Variants in SENP7 observed in about 807,000 individuals in gnomAD.
The protein encoded by SENP7 is SUMO specific peptidase 7, also known as sentrin-specific protease 7.
Under a neutral mutation model 141.2 loss-of-function variants are expected in SENP7, and 64 were observed. The ratio of observed to expected loss-of-function variants is 0.45; its 90% CI spans 0.37 to 0.56. SENP7 has a LOEUF of 0.56. Ranked by LOEUF, SENP7 falls within the 20% of genes least tolerant of loss-of-function variation. SENP7 has a pLI of 0.00. For synonymous variants in SENP7, 382 were observed against 426.4 expected (o/e 0.90, Z 1.28); for missense variants, 1,025 against 1,212.2 (o/e 0.85, Z 2.29).
At chr3:101,442,071 G>C (rs1379508421) in intron 4 of SENP7, among the ~76,000 whole-genome samples, 1 of 151,902 alleles carries the variant, frequency 6.6e-6, no homozygotes, top group Admixed American at 6.6e-5. Flanking sequence ...CCATAAAACT[G>C]AAAGAAACAA....
At chr3:101,457,382 G>A (rs1244398021) in intron 4 of SENP7, 5 of 1,443,074 alleles carry the variant, frequency 3.5e-6, no homozygotes, top group Non-Finnish European at 4.8e-6. Flanking sequence ...TGCTTAAACT[G>A]TTCAGACTGT....
At chr3:101,431,757 C>T (rs752927604) in intron 4 of SENP7, among the ~76,000 whole-genome samples, 5 of 149,278 alleles carry the variant, frequency 3.3e-5, no homozygotes, top group Non-Finnish European at 7.4e-5. Flanking sequence ...GCACTCCAGC[C>T]TGGCGGACAG....
intron 3 of SENP7, among the ~76,000 whole-genome samples, chr3:101,470,785 G>T (rs372919269): frequency 1.1e-4 from 16 of 152,254 alleles, no homozygotes; most frequent in South Asian, 1.0e-3. Context: ...CTTAAGCTGA[G>T]AAGCAACTTC....
At chr3:101,487,260 A>G (rs2064768767) in intron 3 of SENP7, among the ~76,000 whole-genome samples, 1 of 152,308 alleles carries the variant, frequency 6.6e-6, no homozygotes, top group Admixed American at 6.5e-5. Context: ...ATACCTTAAA[A>G]CAAATAGACT....
chr3:101,418,017 T>C (rs2061676902), intron 4 of SENP7, among the ~76,000 whole-genome samples: 1 of 152,202 alleles, frequency 6.6e-6, no homozygotes, highest in Non-Finnish European at 1.5e-5. Context: ...TCAAGTTTAC[T>C]ACAACTATCA....
intron 4 of SENP7, among the ~76,000 whole-genome samples, chr3:101,449,764 C>CA (rs1193911381): frequency 3.9e-5 from 6 of 152,324 alleles, no homozygotes; most frequent in African/African-American, 1.4e-4. Flanking sequence ...ACTGCAAAAA[C>CA]ATGCCAAATT....
chr3:101,358,190 C>T, intron 11 of SENP7: 3 of 619,064 alleles, frequency 4.8e-6, no homozygotes, highest in Non-Finnish European at 5.5e-6. Context: ...ATCAATGTGG[C>T]AAAACCTTCA....
intron 1 of SENP7, among the ~76,000 whole-genome samples, chr3:101,510,388 TCTTC>T (rs1490408487): frequency 1.3e-5 from 2 of 152,238 alleles, no homozygotes; most frequent in African/African-American, 4.8e-5. Context: ...ATTTTACAGT[TCTTC>T]CTTGTTTAGC....
chr3:101,380,573 C>G (rs1236976538), intron 6 of SENP7, among the ~76,000 whole-genome samples: 1 of 150,036 alleles, frequency 6.7e-6, no homozygotes, highest in African/African-American at 2.5e-5. Flanking sequence ...GGCTGTAGTG[C>G]ACTATAATCA....
chr3:101,420,164 G>A (rs981216199), intron 4 of SENP7, among the ~76,000 whole-genome samples: 2 of 152,236 alleles, frequency 1.3e-5, no homozygotes, highest in South Asian at 4.1e-4. Flanking sequence ...TGAGGAGATC[G>A]AGACCATCCT....
Position 101,366,643 on chromosome 3 carries a change from A to C in SENP7, c.1105T>G (p.Ser369Ala). 3 of 1,613,912 alleles carry C rather than the reference A, an allele frequency of 1.9e-6. No individual in the cohort carries two copies. Among genetic ancestry groups the C allele is most frequent in the Non-Finnish European group, 2.5e-6 (3 of 1,179,824 alleles). The change falls in exon 9 of 24, where the codon TCC becomes GCC. Residue 369 changes from serine to alanine, a missense_variant. Coordinates refer to ENST00000394095, the MANE Select transcript of SENP7 (RefSeq NM_020654.5). ...GTCAACTCCTGACTGTTAAGTGAGG[A>C]TAGTTTAGTAAAATCACTTTTTGTA... is the stretch of plus-strand genomic sequence containing the variant. ...KPTKSDFTKL[S>A]SLNSQELTLS...
intron 6 of SENP7, among the ~76,000 whole-genome samples, chr3:101,387,453 C>A (rs974880767): frequency 2.0e-5 from 3 of 152,174 alleles, no homozygotes; most frequent in Admixed American, 6.5e-5. Flanking sequence ...ATGGCCAGAG[C>A]CTTGCACACA....
intron 3 of SENP7, among the ~76,000 whole-genome samples, chr3:101,475,441 A>T (rs560143062): frequency 2.0e-5 from 3 of 152,326 alleles, no homozygotes; most frequent in African/African-American, 4.8e-5. Context: ...TCCTCAGCAA[A>T]CTAATGCAGG....
intron 4 of SENP7, among the ~76,000 whole-genome samples, chr3:101,440,426 A>G: frequency 1.8e-5 from 2 of 111,634 alleles, no homozygotes; most frequent in African/African-American, 7.4e-5. Flanking sequence ...TCAGGGACAC[A>G]AACACTGCGG....
chr3:101,392,471 A>C (rs1052111218), intron 6 of SENP7, among the ~76,000 whole-genome samples: 2 of 152,210 alleles, frequency 1.3e-5, no homozygotes, highest in Non-Finnish European at 2.9e-5. Flanking sequence ...ATAACTACGA[A>C]TAAATTTAAC....
Position 101,343,825 on chromosome 3 carries a change from G to C in SENP7, c.1967C>G (p.Ser656Cys), listed in dbSNP as rs1223775343. The C allele has an allele frequency of 3.1e-6, 5 of 1,613,896 alleles. No individual in the cohort carries two copies. The highest frequency in any genetic ancestry group is 4.2e-6 in the Non-Finnish European group (5 of 1,179,892). The change falls in exon 14 of 24, where the codon TCT becomes TGT. Residue 656 changes from serine to cysteine, a missense_variant. This residue lies in a region of SENP7 where 228 missense variants were observed against 228.5 expected (regional missense o/e 1.00). Coordinates refer to ENST00000394095, the MANE Select transcript of SENP7 (RefSeq NM_020654.5). The stretch of plus-strand genomic sequence containing the variant: ...AAACAAAGGAAATGCCTGAACCCAA[G>C]ACAACGGGTAAGAAAGCTCTAATTC... Reference protein sequence around the residue: ...SGELELSYPLSWVQAFPLFQN... With the variant: ...SGELELSYPLCWVQAFPLFQN...
chr3:101,500,159 C>T (rs1392425616), intron 2 of SENP7, among the ~76,000 whole-genome samples: 12 of 152,172 alleles, frequency 7.9e-5, no homozygotes, highest in Non-Finnish European at 7.3e-5. Flanking sequence ...TATTAAAGTT[C>T]TCTGTGCATA....
At chr3:101,341,005 C>T (rs945463754) in intron 15 of SENP7, among the ~76,000 whole-genome samples, 3 of 152,190 alleles carry the variant, frequency 2.0e-5, no homozygotes, top group Non-Finnish European at 4.4e-5. Context: ...GAGTCATCCA[C>T]ATTGATTTAA....
intron 1 of SENP7, among the ~76,000 whole-genome samples, chr3:101,502,434 C>G (rs889688930): frequency 6.6e-6 from 1 of 152,176 alleles, no homozygotes; most frequent in African/African-American, 2.4e-5. Context: ...TCCCGAGTAG[C>G]TGGGATTACA....
Sources: gnomAD v4.1 joint callset for allele counts (sites outside exome capture counted in the v4.1 genomes callset) on GRCh38, gnomAD v4.1.1 for gene constraint, gnomAD v4.1.1 regional missense constraint, MANE v1.5 for transcripts, NCBI Gene and HGNC (gene_info 2026-07-23, HGNC 2026-07-21) for gene names.